The following KLHL5 variants were observed in gnomAD, a reference collection of about 807,000 sequenced individuals.
KLHL5 encodes the protein kelch-like protein 5.
Under a neutral mutation model 77.7 loss-of-function variants are expected in KLHL5, and 48 were observed. The observed-to-expected ratio is 0.62, with a 90% CI of 0.49 to 0.79. The LOEUF is 0.79. Ranked by LOEUF, KLHL5 falls within the 30% of genes least tolerant of loss-of-function variation. The pLI is 0.00. For synonymous variants in KLHL5, 260 were observed against 297.0 expected (o/e 0.88, Z 1.28); for missense variants, 723 against 859.7 (o/e 0.84, Z 1.99).
At chr4:39,045,030 C>T (rs1167015300), upstream of KLHL5, 3 of 993,948 alleles carry the variant, frequency 3.0e-6, no homozygotes, top group South Asian at 8.7e-5. Flanking sequence ...GCCCCCGCCT[C>T]CCCCGCTCCT....
intron 1 of KLHL5, among the ~76,000 whole-genome samples, chr4:39,054,817 C>A (rs1223612706): frequency 6.6e-6 from 1 of 152,172 alleles, no homozygotes; most frequent in Non-Finnish European, 1.5e-5. Context: ...CATGGGCCAA[C>A]TGAACACTCA....
chr4:39,127,760 G>A (rs543465710), downstream of KLHL5, among the ~76,000 whole-genome samples: 10 of 152,188 alleles, frequency 6.6e-5, no homozygotes, highest in Non-Finnish European at 1.3e-4. Flanking sequence ...TCACCACACC[G>A]ACCTGGCGCA....
In KLHL5 at chr4:39,073,309, T is replaced by G. The variant is rs527498675; in HGVS notation, c.384-2656T>G. Among the ~76,000 whole-genome samples the G allele has an allele frequency of 2.2e-4, 33 of 152,270 alleles. No individual in the cohort carries two copies. In the South Asian group the frequency reaches 6.8e-3, roughly 32 times the overall value. ...AAGTAGCCTATAATAACAGTGATGA[T>G]AGTATTACAAAGTTCTGTTGTTCTT... On this transcript the variant is annotated intron_variant, in intron 1 of 10. Coordinates refer to ENST00000504108, the MANE Select transcript of KLHL5 (RefSeq NM_015990.5).
chr4:39,077,050 T>C (rs139000418), intron 2 of KLHL5, among the ~76,000 whole-genome samples: 1 of 146,966 alleles, frequency 6.8e-6, no homozygotes, highest in East Asian at 2.0e-4. Flanking sequence ...ATATCCAGAA[T>C]CTACCAAAAA....
intron 9 of KLHL5, among the ~76,000 whole-genome samples, chr4:39,114,088 G>C (rs971495191): frequency 6.6e-6 from 1 of 152,100 alleles, no homozygotes; most frequent in Non-Finnish European, 1.5e-5. Flanking sequence ...TAAAATCAAA[G>C]TTTGTTGATG....
At chr4:39,048,354 T>C (rs1716358164) in intron 1 of KLHL5, among the ~76,000 whole-genome samples, 1 of 152,216 alleles carries the variant, frequency 6.6e-6, no homozygotes, top group Non-Finnish European at 1.5e-5. Flanking sequence ...ATGATACCAT[T>C]CTGAAAATAG....
chr4:39,140,736 C>A, the KLHL5 span, among the ~76,000 whole-genome samples: 1 of 152,176 alleles, frequency 6.6e-6, no homozygotes. Flanking sequence ...CATCTGATCT[C>A]AGAATTGCCA....
intron 1 of KLHL5, among the ~76,000 whole-genome samples, chr4:39,069,465 TATATATATACACAC>T (rs1455676199): frequency 1.7e-4 from 10 of 59,608 alleles, no homozygotes; most frequent in African/African-American, 4.3e-4. Flanking sequence ...TATATATATA[TATATATATACACAC>T]ACACACACAC....
intron 1 of KLHL5, among the ~76,000 whole-genome samples, chr4:39,054,172 T>C (rs551536947): frequency 1.3e-5 from 2 of 152,308 alleles, no homozygotes; most frequent in South Asian, 4.1e-4. Flanking sequence ...TCAACTATAC[T>C]CTCAATCTAC....
At chr4:39,115,446 A>G (rs1722768455) in intron 10 of KLHL5, 116 bp downstream of exon 10, 1 of 1,542,574 alleles carries the variant, frequency 6.5e-7, no homozygotes, top group African/African-American at 1.4e-5. Context: ...TAAATATGAC[A>G]ATCACGTTTT....
chr4:39,070,712 CAG>C (rs1420872694), intron 1 of KLHL5, among the ~76,000 whole-genome samples: 3 of 152,186 alleles, frequency 2.0e-5, no homozygotes, highest in Non-Finnish European at 4.4e-5. Context: ...CTCTTCACCA[CAG>C]ATATTCTGGC....
chr4:39,059,927 C>T (rs186263108), upstream of KLHL5, among the ~76,000 whole-genome samples: 196 of 152,096 alleles, frequency 1.3e-3, no homozygotes, highest in Non-Finnish European at 2.2e-3. Flanking sequence ...ATGCACATAC[C>T]TTCAACCCAG....
the KLHL5 span, among the ~76,000 whole-genome samples, chr4:39,141,369 C>T: frequency 8.9e-5 from 12 of 134,252 alleles, no homozygotes; most frequent in East Asian, 6.7e-4. Flanking sequence ...AGTGCAGTGG[C>T]GCAATCTCGG....
intron 1 of KLHL5, among the ~76,000 whole-genome samples, chr4:39,072,168 A>C (rs1718538827): frequency 6.6e-6 from 1 of 151,972 alleles, no homozygotes; most frequent in South Asian, 2.1e-4. Context: ...CAACCATCCA[A>C]ACAACATTAT....
At chr4:39,044,860 C>T (rs1230484082), upstream of KLHL5, 1 of 792,658 alleles carries the variant, frequency 1.3e-6, no homozygotes, top group Non-Finnish European at 1.5e-6. Flanking sequence ...CTCGCCCGCC[C>T]CCTCCGGGGC....
intron 1 of KLHL5, among the ~76,000 whole-genome samples, chr4:39,073,068 A>G (rs1718638906): frequency 6.6e-6 from 1 of 152,200 alleles, no homozygotes; most frequent in Non-Finnish European, 1.5e-5. Flanking sequence ...ATAAATATAT[A>G]TAATTGTTAT....
At chr4:39,093,146 C>T in intron 5 of KLHL5, 1 of 455,650 alleles carries the variant, frequency 2.2e-6, no homozygotes, top group Non-Finnish European at 4.4e-6. Flanking sequence ...TGAGGAGTAC[C>T]CCGATGGTGG....
At chr4:39,102,799 A>G (rs1388226356) in intron 6 of KLHL5, among the ~76,000 whole-genome samples, 1 of 152,186 alleles carries the variant, frequency 6.6e-6, no homozygotes, top group Non-Finnish European at 1.5e-5. Flanking sequence ...AGAATCTTCT[A>G]TGCTCACTGT....
chr4:39,106,015 C>T (rs1250483374), intron 7 of KLHL5, among the ~76,000 whole-genome samples: 1 of 152,106 alleles, frequency 6.6e-6, no homozygotes, highest in African/African-American at 2.4e-5. Context: ...CATCTCAAAG[C>T]CATCATGGAG....
Sources: gnomAD v4.1 joint callset for allele counts (sites outside exome capture counted in the v4.1 genomes callset) on GRCh38, gnomAD v4.1.1 for gene constraint, MANE v1.5 for transcripts, NCBI Gene and HGNC (gene_info 2026-07-23, HGNC 2026-07-21) for gene names.